The following ZNF583 variants were observed in gnomAD, a reference collection of about 807,000 sequenced individuals.
ZNF583 encodes zinc finger protein 583, also known as zinc finger protein L3-5.
Under a neutral mutation model 55.3 loss-of-function variants are expected in ZNF583, and 30 were observed. That is an observed-to-expected ratio of 0.54 (90% CI 0.41 to 0.74). The LOEUF is 0.74. ZNF583 is among the 30% of genes least tolerant of loss of function. The pLI is 0.00. For missense variants in ZNF583, 504 were observed against 664.7 expected (o/e 0.76, Z 2.66); for synonymous variants, 208 against 220.0 (o/e 0.95, Z 0.48).
chr19:56,412,465 G>A (rs566093191), intron 2 of ZNF583, among the ~76,000 whole-genome samples: 11 of 152,226 alleles, frequency 7.2e-5, no homozygotes, highest in African/African-American at 2.6e-4. Context: ...AAACTCTCTT[G>A]CTCATCAAAC....
At chr19:56,408,588 C>A (rs890246910) in intron 2 of ZNF583, among the ~76,000 whole-genome samples, 3 of 152,004 alleles carry the variant, frequency 2.0e-5, no homozygotes, top group Non-Finnish European at 4.4e-5. Flanking sequence ...GAAAAAGAGG[C>A]CAGGGGAAGA....
In ZNF583 at chr19:56,423,000, C is replaced by T; in HGVS notation, c.342C>T (p.Asp114=). The change falls in exon 5 of 5, where the codon GAC becomes GAT. Residue 114 remains aspartate (D), a synonymous_variant. Transcript: ENST00000333201. The stretch of plus-strand genomic sequence containing the variant: ...CAAGACATCTTAGTTATAGCCTTGA[C>T]TATCCCAGTTTGAGAGAAGACTGTC... ...VGARHLSYSL[D]YPSLREDCQS... 2.5e-6 allele frequency: 4 copies of T among 1,613,966 alleles called. No homozygotes were observed. The highest frequency in any genetic ancestry group is 2.2e-5 in the South Asian group (2 of 91,080).
intron 4 of ZNF583, 115 bp downstream of exon 4, chr19:56,414,555 G>A: frequency 1.1e-6 from 1 of 891,200 alleles, no homozygotes; most frequent in South Asian, 1.7e-5. Flanking sequence ...AAGACTCAAA[G>A]CCTGGGAAGA....
At chr19:56,413,854 T>C in intron 2 of ZNF583, 105 bp from the exon 3 acceptor site, 1 of 1,502,670 alleles carries the variant, frequency 6.7e-7, no homozygotes, top group Non-Finnish European at 9.0e-7. Context: ...AGTTTTGCTA[T>C]GTGCAATATT....
chr19:56,422,911 A>C lies in ZNF583; in HGVS notation c.253A>C (p.Asn85His). 6.2e-7 allele frequency: 1 copy of C among 1,605,246 alleles called. No homozygotes were observed. The highest frequency in any genetic ancestry group is 8.5e-7 in the Non-Finnish European group (1 of 1,176,896). ...TTTAGATTGGGAGTATGTATTTAAA[A>C]ACAGTGAATTTTCATCAAAGCAAGA... The part of the protein sequence containing the change: ...PCPDWEYVFK[N>H]SEFSSKQETY... Residue 85 changes from asparagine (N) to histidine (H), a missense_variant, in exon 5 of 5, where the codon AAC (asparagine) becomes CAC (histidine). Coordinates refer to ENST00000333201, the MANE Select transcript of ZNF583 (RefSeq NM_152478.3).
chr19:56,426,838 A>G lies in ZNF583; in HGVS notation c.*2470A>G, dbSNP rs2042495073. ...GCAATTTGTCAACTTCAGAATTTTA[A>G]TTGGGAAAAGTAGAATTTTATTTTG... On this transcript the variant is annotated 3_prime_UTR_variant, in exon 5 of 5. Transcript: ENST00000333201. 1 of 152,114 alleles carries G rather than the reference A, an allele frequency of 6.6e-6. No homozygotes were observed. The highest frequency in any genetic ancestry group is 2.1e-4 in the South Asian group (1 of 4,834). The allele number at this position is 152,114 out of a possible 1,614,324, so 9.4% of individuals were successfully genotyped here.
chr19:56,415,859 C>T (rs1165419096), intron 4 of ZNF583, among the ~76,000 whole-genome samples: 1 of 152,096 alleles, frequency 6.6e-6, no homozygotes. Context: ...AGCCACTGCC[C>T]CCAGCCTGTC....
intron 4 of ZNF583, chr19:56,421,562 A>G: frequency 1.1e-6 from 1 of 911,150 alleles, no homozygotes; most frequent in Non-Finnish European, 1.3e-6. Context: ...TCCAAATATC[A>G]TTATCCACTG....
rs1215834310 is a variant in ZNF583 at position 56,423,061 on chromosome 19, C to T, written c.403C>T (p.Gln135Ter). The stretch of plus-strand genomic sequence containing the variant: ...CTGGTATAAGAACCAGCTGGGAAGT[C>T]AAGAGGTACATCTTAGTCAATTAAT... ...EDWYKNQLGS[Q>*]EVHLSQLIIT... Residue 135 changes from glutamine to a stop codon, truncating the protein, a stop_gained, in exon 5 of 5, where the codon CAA becomes TAA. Coordinates refer to ENST00000333201, the MANE Select transcript of ZNF583 (RefSeq NM_152478.3). LOFTEE classifies it high-confidence loss of function. 5.0e-6 allele frequency: 8 copies of T among 1,613,764 alleles called. No homozygotes were observed. The highest frequency in any genetic ancestry group is 6.8e-6 in the Non-Finnish European group (8 of 1,179,888).
chr19:56,418,921 ACTTT>A (rs991703248), intron 4 of ZNF583, among the ~76,000 whole-genome samples: 11 of 152,140 alleles, frequency 7.2e-5, no homozygotes, highest in African/African-American at 2.7e-4. Flanking sequence ...TGAAAACGTT[ACTTT>A]CTATTCCTGG....
At chr19:56,410,203 G>C (rs1418606012) in intron 2 of ZNF583, among the ~76,000 whole-genome samples, 1 of 152,092 alleles carries the variant, frequency 6.6e-6, no homozygotes, top group South Asian at 2.1e-4. Context: ...TCGAGTGCAA[G>C]CCAACACTTT....
At chr19:56,408,086 A>T (rs1046644365) in intron 2 of ZNF583, among the ~76,000 whole-genome samples, 1 of 152,232 alleles carries the variant, frequency 6.6e-6, no homozygotes, top group African/African-American at 2.4e-5. Context: ...AATGTATACT[A>T]GTTTATTATA....
In ZNF583 at chr19:56,424,283, A is replaced by C; in HGVS notation, c.1625A>C (p.His542Pro). The change falls in exon 5 of 5, where the codon CAT (histidine) becomes CCT (proline). Residue 542 changes from histidine (H) to proline (P), a missense_variant. This residue lies in a region of ZNF583 where 63 missense variants were observed against 56.5 expected (regional missense o/e 1.11). Coordinates refer to ENST00000333201, the MANE Select transcript of ZNF583 (RefSeq NM_152478.3). ...RAHLAHHERI[H>P]TMESFLTLSS... ...CATCTTGCTCATCATGAGAGAATTC[A>C]TACTATGGAGTCATTCTTGACTCTT... 1 of 1,613,952 alleles carries C rather than the reference A, an allele frequency of 6.2e-7. No individual in the cohort carries two copies. Among genetic ancestry groups the C allele is most frequent in the Non-Finnish European group, 8.5e-7 (1 of 1,179,912 alleles).
At chr19:56,414,203 T>C (rs550753326) in intron 3 of ZNF583, 118 bp downstream of exon 3, 884 of 1,521,754 alleles carry the variant, frequency 5.8e-4, no homozygotes, top group Non-Finnish European at 7.8e-4. Context: ...CCAAAATAGG[T>C]TGAATTTGTA....
Position 56,423,966 on chromosome 19 carries a change from T to C in ZNF583, c.1308T>C (p.Tyr436=). 1 of 1,614,056 alleles carries C rather than the reference T, an allele frequency of 6.2e-7. No homozygotes were observed. The highest frequency in any genetic ancestry group is 8.5e-7 in the Non-Finnish European group (1 of 1,179,986). The change falls in exon 5 of 5, where the codon TAT becomes TAC. Residue 436 remains tyrosine (Y), a synonymous_variant. Transcript: ENST00000333201. ...GGGTTCATACTGGAGAGAAACCCTA[T>C]GAATGTATTGAATGTGGGAAGGCCT... The part of the protein sequence containing the change: ...HQRVHTGEKP[Y]ECIECGKAFS...
In ZNF583 at chr19:56,418,933, T is replaced by C. The variant is rs188412411; in HGVS notation, c.233-3958T>C. 3.7e-3 allele frequency among the ~76,000 whole-genome samples: 567 copies of C among 152,326 alleles called. 4 individuals carry two copies. The highest frequency in any genetic ancestry group is 5.0e-3 in the Non-Finnish European group (340 of 68,024). ...GTTTGAAAACGTTACTTTCTATTCC[T>C]GGTTTGCTGATAATTTTTATAATAA... On this transcript the variant is annotated intron_variant, in intron 4 of 4. Coordinates refer to ENST00000333201, the MANE Select transcript of ZNF583 (RefSeq NM_152478.3).
At chr19:56,418,476 T>C (rs1395597847) in intron 4 of ZNF583, among the ~76,000 whole-genome samples, 3 of 152,194 alleles carry the variant, frequency 2.0e-5, no homozygotes, top group Non-Finnish European at 2.9e-5. Flanking sequence ...GTAGTGGTAC[T>C]CTGTTAAATT....
intron 1 of ZNF583, among the ~76,000 whole-genome samples, chr19:56,405,831 C>T (rs2042138423): frequency 6.6e-6 from 1 of 152,152 alleles, no homozygotes; most frequent in East Asian, 1.9e-4. Context: ...GAATAGTTAC[C>T]ATTTCACTGA....
intron 2 of ZNF583, among the ~76,000 whole-genome samples, chr19:56,410,863 T>G (rs962091206): frequency 2.6e-5 from 4 of 152,140 alleles, no homozygotes; most frequent in African/African-American, 9.7e-5. Flanking sequence ...TCATAGACAT[T>G]AGTATAAGGA....
Sources: allele counts gnomAD v4.1 joint callset (sites outside exome capture counted in the v4.1 genomes callset), GRCh38; gene constraint gnomAD v4.1.1; regional missense constraint gnomAD v4.1.1; transcripts MANE v1.5; gene names NCBI Gene and HGNC (gene_info 2026-07-23, HGNC 2026-07-21).